PIK3C2G: variants seen among roughly 807,000 people sequenced by gnomAD.
The protein encoded by PIK3C2G is phosphatidylinositol 3-kinase C2 domain-containing subunit gamma.
Under a neutral mutation model 181.1 loss-of-function variants are expected in PIK3C2G, and 168 were observed. The ratio of observed to expected loss-of-function variants is 0.93; its 90% CI spans 0.82 to 1.05. PIK3C2G has a LOEUF of 1.05. PIK3C2G is among the 50% of genes least tolerant of loss of function. The probability of loss-of-function intolerance (pLI) is 0.00; values close to 1 mark genes in which losing one functional copy is unlikely to be tolerated. For missense variants in PIK3C2G, 1,869 were observed against 1,732.8 expected, an observed-to-expected ratio of 1.08 and a Z score of -1.40; for synonymous variants, 573 against 592.2, an observed-to-expected ratio of 0.97 and a Z score of 0.47.
At chr12:18,340,965 C>T (rs1363418020) in intron 9 of PIK3C2G, among the ~76,000 whole-genome samples, 1 of 152,122 alleles carries the variant, frequency 6.6e-6, no homozygotes, top group East Asian at 1.9e-4. Context: ...CAGCCAGCCT[C>T]CTGACAAATA....
intron 15 of PIK3C2G, among the ~76,000 whole-genome samples, chr12:18,395,021 T>A (rs1049201193): frequency 8.7e-6 from 1 of 115,478 alleles, no homozygotes; most frequent in Non-Finnish European, 1.9e-5. Context: ...TTCTTTTTCT[T>A]TCTTTCTTTC....
At chr12:18,388,667 G>A (rs1943337351) in intron 14 of PIK3C2G, among the ~76,000 whole-genome samples, 1 of 152,208 alleles carries the variant, frequency 6.6e-6, no homozygotes, top group South Asian at 2.1e-4. Flanking sequence ...TGGCCCAGGG[G>A]CACCTTATGG....
chr12:18,413,435 A>C (rs1944986391), intron 16 of PIK3C2G, among the ~76,000 whole-genome samples: 1 of 152,166 alleles, frequency 6.6e-6, no homozygotes, highest in African/African-American at 2.4e-5. Flanking sequence ...AATTTTAAGA[A>C]GTATTTTTTT....
intron 8 of PIK3C2G, among the ~76,000 whole-genome samples, chr12:18,331,362 C>G (rs927601099): frequency 6.6e-6 from 1 of 152,028 alleles, no homozygotes; most frequent in Non-Finnish European, 1.5e-5. Context: ...CTCAGCAATG[C>G]TTTACAATTT....
At chr12:18,282,793 A>G (rs1335426527) in intron 2 of PIK3C2G, 34 bp downstream of exon 2, 1 of 1,286,140 alleles carries the variant, frequency 7.8e-7, no homozygotes, top group Non-Finnish European at 1.1e-6. Flanking sequence ...AAAAATATGA[A>G]TCTGAAAGAA....
At chr12:18,479,043 T>C (rs1480157070) in intron 18 of PIK3C2G, among the ~76,000 whole-genome samples, 2 of 148,898 alleles carry the variant, frequency 1.3e-5, no homozygotes, top group Admixed American at 6.7e-5. Flanking sequence ...ATATACATTA[T>C]ACATATATAC....
chr12:18,661,988 G>C, the PIK3C2G span, among the ~76,000 whole-genome samples: 1 of 152,064 alleles, frequency 6.6e-6, no homozygotes, highest in East Asian at 1.9e-4. Context: ...GGAGCTGGGG[G>C]CCATTATCCC....
intron 12 of PIK3C2G, among the ~76,000 whole-genome samples, chr12:18,370,572 A>T (rs1469127401): frequency 6.6e-6 from 1 of 152,132 alleles, no homozygotes; most frequent in Non-Finnish European, 1.5e-5. Context: ...CTTTAGGGAA[A>T]AGTTGAAATT....
At chr12:18,696,728 T>C in the PIK3C2G span, among the ~76,000 whole-genome samples, 1 of 152,068 alleles carries the variant, frequency 6.6e-6, no homozygotes, top group Non-Finnish European at 1.5e-5. Flanking sequence ...GCTAAATTAA[T>C]CCTACTGAAC....
intron 5 of PIK3C2G, among the ~76,000 whole-genome samples, chr12:18,308,575 CTT>C (rs1469612973): frequency 1.3e-5 from 2 of 151,134 alleles, no homozygotes; most frequent in Non-Finnish European, 3.0e-5. Context: ...TATTAACACT[CTT>C]TATTTCCTTT....
At chr12:18,640,619 C>T in intron 32 of PIK3C2G, 65 bp downstream of exon 32, 3 of 1,420,998 alleles carry the variant, frequency 2.1e-6, no homozygotes, top group Non-Finnish European at 2.9e-6. Context: ...AGCTTAACAA[C>T]CAAATATGGA....
chr12:18,527,692 T>C (rs974784872), intron 24 of PIK3C2G, among the ~76,000 whole-genome samples: 26 of 150,446 alleles, frequency 1.7e-4, no homozygotes, highest in Non-Finnish European at 3.0e-4. Context: ...AAAAAAAAAG[T>C]GGGCAGTTGA....
the PIK3C2G span, chr12:18,684,148 G>A: frequency 9.3e-6 from 15 of 1,611,654 alleles, no homozygotes; most frequent in Admixed American, 2.2e-4. Flanking sequence ...ATGCATAGAA[G>A]TGGCAAAGTA....
At chr12:18,681,027 C>G in the PIK3C2G span, among the ~76,000 whole-genome samples, 694 of 152,092 alleles carry the variant, frequency 4.6e-3, 4 homozygotes, top group African/African-American at 0.016. Context: ...ATGTTTTTGC[C>G]GTGCATTCAG....
At chr12:18,661,447 T>C in the PIK3C2G span, among the ~76,000 whole-genome samples, 1 of 151,984 alleles carries the variant, frequency 6.6e-6, no homozygotes, top group African/African-American at 2.4e-5. Context: ...TTTCGTAGGA[T>C]TATATATTTA....
intron 15 of PIK3C2G, among the ~76,000 whole-genome samples, chr12:18,394,992 TTTTC>T (rs774674547): frequency 6.0e-5 from 9 of 151,226 alleles, no homozygotes; most frequent in Non-Finnish European, 7.4e-5. Context: ...TCTTTCTTTC[TTTTC>T]TTTCTCTTTC....
chr12:18,413,227 T>G (rs1464773393), intron 16 of PIK3C2G, among the ~76,000 whole-genome samples: 3 of 152,140 alleles, frequency 2.0e-5, no homozygotes, highest in Admixed American at 6.5e-5. Context: ...CTTTAACAGA[T>G]TCCAGAGACT....
intron 13 of PIK3C2G, among the ~76,000 whole-genome samples, chr12:18,381,090 T>G (rs1461666370): frequency 6.6e-6 from 1 of 152,176 alleles, no homozygotes; most frequent in Non-Finnish European, 1.5e-5. Context: ...ATCTGTGGAT[T>G]TGGATGTTAC....
chr12:18,376,098 T>A (rs1008338684), intron 13 of PIK3C2G, among the ~76,000 whole-genome samples: 3 of 152,164 alleles, frequency 2.0e-5, no homozygotes, highest in Non-Finnish European at 4.4e-5. Flanking sequence ...GTTGGATTCC[T>A]CACAGAGTCC....
Sources: allele counts gnomAD v4.1 joint callset (sites outside exome capture counted in the v4.1 genomes callset), GRCh38; gene constraint gnomAD v4.1.1; transcripts MANE v1.5; gene names NCBI Gene and HGNC (gene_info 2026-07-23, HGNC 2026-07-21).